Variants in ZNF536 observed in about 807,000 individuals in gnomAD.
ZNF536 encodes the protein zinc finger protein 536.
In ZNF536, 13 loss-of-function variants were observed where a neutral mutation model predicts 84.5. That is an observed-to-expected ratio of 0.15 (90% CI 0.10 to 0.24). The LOEUF (loss-of-function observed/expected upper bound fraction) is 0.24, where lower values mean the gene tolerates loss of function less well. Among genes scored for constraint, ZNF536 ranks in the 10% least tolerant of loss-of-function variants. ZNF536 has a pLI of 1.00. For synonymous variants in ZNF536, 811 were observed against 742.5 expected (o/e 1.09, Z -1.50); for missense variants, 1,536 against 1,747.5 (o/e 0.88, Z 2.16).
At chr19:30,465,134 C>G (rs577031330) in intron 2 of ZNF536, among the ~76,000 whole-genome samples, 1 of 152,246 alleles carries the variant, frequency 6.6e-6, no homozygotes, top group African/African-American at 2.4e-5. Context: ...CCATCACCTC[C>G]CACTCTCCCT....
At chr19:30,364,298 G>A (rs2146926610) in intron 3 of ZNF536, among the ~76,000 whole-genome samples, 1 of 152,288 alleles carries the variant, frequency 6.6e-6, no homozygotes, top group South Asian at 2.1e-4. Context: ...GGCTGAGGTG[G>A]GCAGATCACT....
intron 1 of ZNF536, among the ~76,000 whole-genome samples, chr19:30,577,141 C>A (rs557117262): frequency 6.6e-6 from 1 of 152,276 alleles, no homozygotes; most frequent in East Asian, 1.9e-4. Context: ...TTTTCTCCTT[C>A]ATTTTAATAC....
chr19:30,545,061 C>A (rs182959457), intron 3 of ZNF536, among the ~76,000 whole-genome samples: 102 of 152,332 alleles, frequency 6.7e-4, no homozygotes, highest in Non-Finnish European at 1.1e-3. Flanking sequence ...CACTCAGGAT[C>A]CACAGAGGGC....
intron 2 of ZNF536, among the ~76,000 whole-genome samples, chr19:30,512,620 A>G (rs1309959607): frequency 1.5e-5 from 2 of 137,050 alleles, no homozygotes; most frequent in Non-Finnish European, 3.1e-5. Context: ...AACCATTTTG[A>G]AAAAAAAAAA....
At chr19:30,674,417 T>C (rs2050678844) in intron 1 of ZNF536, among the ~76,000 whole-genome samples, 1 of 152,226 alleles carries the variant, frequency 6.6e-6, no homozygotes, top group Admixed American at 6.5e-5. Flanking sequence ...CTTGTGGACC[T>C]TGGCTGGTCC....
chr19:30,332,372 G>A (rs1185633583), intron 2 of ZNF536, among the ~76,000 whole-genome samples: 1 of 152,032 alleles, frequency 6.6e-6, no homozygotes, highest in Non-Finnish European at 1.5e-5. Flanking sequence ...TCTTGGAGAG[G>A]TGGTTCCCTG....
chr19:30,665,043 T>A (rs907188805), intron 1 of ZNF536, among the ~76,000 whole-genome samples: 1 of 152,150 alleles, frequency 6.6e-6, no homozygotes, highest in African/African-American at 2.4e-5. Context: ...AAAAGAAAGT[T>A]TAAAAATGCA....
chr19:30,350,901 C>G (rs1315351083), intron 2 of ZNF536, among the ~76,000 whole-genome samples: 1 of 152,198 alleles, frequency 6.6e-6, no homozygotes. Context: ...GTGCTTCATA[C>G]TTATCCTCCA....
At chr19:30,571,615 C>G (rs1408722911) in intron 1 of ZNF536, among the ~76,000 whole-genome samples, 5 of 152,200 alleles carry the variant, frequency 3.3e-5, no homozygotes, top group Non-Finnish European at 7.3e-5. Flanking sequence ...GGTGCTGGCC[C>G]TACATGTTTC....
At chr19:30,615,769 T>C (rs983843009) in intron 1 of ZNF536, among the ~76,000 whole-genome samples, 1 of 152,160 alleles carries the variant, frequency 6.6e-6, no homozygotes, top group Non-Finnish European at 1.5e-5. Flanking sequence ...AAGAGCAAAA[T>C]AGGGCTTCCT....
At chr19:30,447,470 A>G (rs554323889) in intron 2 of ZNF536, among the ~76,000 whole-genome samples, 1 of 152,234 alleles carries the variant, frequency 6.6e-6, no homozygotes, top group African/African-American at 2.4e-5. Context: ...TACCCATGAA[A>G]CACACTGTCT....
At chr19:30,606,498 G>C (rs1254588814) in intron 1 of ZNF536, among the ~76,000 whole-genome samples, 2 of 152,030 alleles carry the variant, frequency 1.3e-5, no homozygotes. Context: ...TGAGGGCGTG[G>C]GTTGGTGCTG....
At chr19:30,653,630 T>C (rs891943802) in intron 1 of ZNF536, among the ~76,000 whole-genome samples, 1 of 151,930 alleles carries the variant, frequency 6.6e-6, no homozygotes, top group Non-Finnish European at 1.5e-5. Flanking sequence ...GAGCAGAGGA[T>C]GGAAGAGAGG....
chr19:30,484,471 C>T (rs1240714389), intron 2 of ZNF536, among the ~76,000 whole-genome samples: 3 of 149,050 alleles, frequency 2.0e-5, no homozygotes, highest in African/African-American at 5.0e-5. Flanking sequence ...CTCCTGACCT[C>T]GTGATCTGCC....
At chr19:30,540,053 C>A (rs1270766971) in intron 3 of ZNF536, among the ~76,000 whole-genome samples, 1 of 152,208 alleles carries the variant, frequency 6.6e-6, no homozygotes, top group East Asian at 1.9e-4. Flanking sequence ...TTTTGATGTG[C>A]CGCATGTTCC....
At chr19:30,531,056 T>A (rs2044793119) in intron 2 of ZNF536, among the ~76,000 whole-genome samples, 1 of 152,212 alleles carries the variant, frequency 6.6e-6, no homozygotes, top group South Asian at 2.1e-4. Context: ...CGATAGCCCT[T>A]CATCTTCTCT....
At chr19:30,694,873 G>A (rs1014702259) in intron 1 of ZNF536, among the ~76,000 whole-genome samples, 8 of 152,170 alleles carry the variant, frequency 5.3e-5, no homozygotes, top group Non-Finnish European at 8.8e-5. Context: ...CCCACAGAAA[G>A]TGGTAAGGTG....
chr19:30,436,939 G>C (rs78498621), intron 1 of ZNF536, among the ~76,000 whole-genome samples: 124 of 152,260 alleles, frequency 8.1e-4, no homozygotes, highest in African/African-American at 2.8e-3. Context: ...CTCCTACAAG[G>C]CTTCCGAGGT....
chr19:30,364,234 G>T (rs1397996965), intron 3 of ZNF536, among the ~76,000 whole-genome samples: 1 of 152,116 alleles, frequency 6.6e-6, no homozygotes, highest in African/African-American at 2.4e-5. Flanking sequence ...GGGAGAAAGA[G>T]AGTCACCCTA....
Sources: gnomAD v4.1 joint callset for allele counts (sites outside exome capture counted in the v4.1 genomes callset) on GRCh38, gnomAD v4.1.1 for gene constraint, MANE v1.5 for transcripts, NCBI Gene and HGNC (gene_info 2026-07-23, HGNC 2026-07-21) for gene names.